RAB11FIP3: variants seen among roughly 807,000 people sequenced by gnomAD.
The protein encoded by RAB11FIP3 is RAB11 family interacting protein 3.
RAB11FIP3 carries 17 observed loss-of-function variants against 77.8 expected under a neutral mutation model. That is an observed-to-expected ratio of 0.22 (90% CI 0.15 to 0.33). The LOEUF is 0.33. Ranked by LOEUF, RAB11FIP3 falls within the 10% of genes least tolerant of loss-of-function variation. RAB11FIP3 has a pLI of 1.00. For synonymous variants in RAB11FIP3, 437 were observed against 448.2 expected (o/e 0.98, Z 0.31); for missense variants, 1,005 against 1,011.2 (o/e 0.99, Z 0.08).
At chr16:445,096 A>G (rs1378495950) in intron 1 of RAB11FIP3, among the ~76,000 whole-genome samples, 1 of 132,974 alleles carries the variant, frequency 7.5e-6, no homozygotes, top group Non-Finnish European at 1.6e-5. Context: ...CCTGGGTGAC[A>G]GAGCGAGACT....
At chr16:492,425 C>CCCGGGAGACCCGAGGCCGTCCAGAGCCTT (rs2030511213) in intron 5 of RAB11FIP3, among the ~76,000 whole-genome samples, 2 of 43,226 alleles carry the variant, frequency 4.6e-5, no homozygotes, top group African/African-American at 2.6e-4. Flanking sequence ...CCAGGGCCCT[C>CCCGGGAGACCCGAGGCCGTCCAGAGCCTT]CCCGGGAGAC....
At chr16:446,131 C>G (rs778918994) in intron 1 of RAB11FIP3, among the ~76,000 whole-genome samples, 23 of 152,090 alleles carry the variant, frequency 1.5e-4, no homozygotes, top group Non-Finnish European at 2.6e-4. Context: ...CGTGTCTCAA[C>G]TACTCGGGAG....
rs2055822888 is a variant in RAB11FIP3, at chr16:472,278, C to T, written c.903+889C>T. Among the ~76,000 whole-genome samples, 2 of 152,242 alleles carry T rather than the reference C, an allele frequency of 1.3e-5. No individual in the cohort carries two copies. Among genetic ancestry groups the T allele is most frequent in the Non-Finnish European group, 2.9e-5 (2 of 68,034 alleles). ...GTCACCCTCACCCTTGGGTGGGCAGCTTAACTTCTGCCCACACAGACCCTG... is the reference window on the plus strand; with the variant it reads ...GTCACCCTCACCCTTGGGTGGGCAGTTTAACTTCTGCCCACACAGACCCTG... On this transcript the variant is annotated intron_variant, in intron 3 of 13. Coordinates refer to ENST00000262305, the MANE Select transcript of RAB11FIP3 (RefSeq NM_014700.4). This position sits in a 1 kb window ranked among gnomAD's most constrained non-coding sequence, Gnocchi z 4.1.
Position 426,865 on chromosome 16 carries a change from C to G in RAB11FIP3, c.714+145C>G, listed in dbSNP as rs1185474754. The G allele has an allele frequency of 1.8e-6, 1 of 550,668 alleles. No individual in the cohort carries two copies. Among genetic ancestry groups the G allele is most frequent in the Non-Finnish European group, 3.0e-6 (1 of 336,228 alleles). The allele number at this position is 550,668 out of a possible 1,614,324, so 34.1% of individuals were successfully genotyped here. A position where few individuals can be genotyped will look rare whatever the true frequency, so the allele number is the denominator to read the frequency against. ...GGTCCTGCTTTTTCTGCTTATTCACCACTTCGGCCCTGGATTTCTGGTTGA... is the reference window on the plus strand; with the variant it reads ...GGTCCTGCTTTTTCTGCTTATTCACGACTTCGGCCCTGGATTTCTGGTTGA... On this transcript the variant is annotated intron_variant, in intron 1 of 13. Coordinates refer to ENST00000262305, the MANE Select transcript of RAB11FIP3 (RefSeq NM_014700.4). The surrounding 1 kb of genome is among the most constrained non-coding windows in gnomAD (Gnocchi z 5.0).
At chr16:429,920 C>T (rs1394961600) in intron 1 of RAB11FIP3, among the ~76,000 whole-genome samples, 1 of 152,142 alleles carries the variant, frequency 6.6e-6, no homozygotes, top group African/African-American at 2.4e-5. Context: ...ATAGAAGCAG[C>T]TCCTGTTTAT....
intron 5 of RAB11FIP3, among the ~76,000 whole-genome samples, chr16:489,728 C>T (rs1158752813): frequency 5.3e-5 from 8 of 152,248 alleles, no homozygotes; most frequent in Non-Finnish European, 8.8e-5. Flanking sequence ...GCCTGCTGCC[C>T]GCCCGCTGTT....
Position 459,909 on chromosome 16 carries a change from A to G in RAB11FIP3, c.715-1495A>G, listed in dbSNP as rs1030784203. Among the ~76,000 whole-genome samples, 3 of 136,636 alleles carry G rather than the reference A, an allele frequency of 2.2e-5. No homozygotes were observed. The East Asian group carries it at 6.3e-4, about 28-fold the overall frequency. 89.6% of individuals were successfully genotyped at this position (136,636 alleles called of 152,430 possible). On this transcript the variant is annotated intron_variant, in intron 1 of 13. Coordinates refer to ENST00000262305, the MANE Select transcript of RAB11FIP3 (RefSeq NM_014700.4). ...TTTTTTTTTTTTGAGACAGAGTCTC[A>G]TTCAATCACCTAGGCTGGAGTGCAA...
intron 1 of RAB11FIP3, among the ~76,000 whole-genome samples, chr16:445,103 G>A (rs2055290078): frequency 2.8e-5 from 3 of 107,806 alleles, no homozygotes; most frequent in Admixed American, 2.3e-4. Context: ...GACAGAGCGA[G>A]ACTCTGTCTC....
At chr16:503,592 C>A (rs1186779793) in intron 7 of RAB11FIP3, among the ~76,000 whole-genome samples, 2 of 152,084 alleles carry the variant, frequency 1.3e-5, no homozygotes, top group Non-Finnish European at 2.9e-5. Flanking sequence ...TCAAGACCCG[C>A]TTTTCAGCCA....
At position 461,940 on chromosome 16, in the gene RAB11FIP3, G is replaced by A. The variant is rs904314085; in HGVS notation, c.808+443G>A. Among the ~76,000 whole-genome samples, 4 of 152,100 alleles carry A rather than the reference G, an allele frequency of 2.6e-5. No homozygotes were observed. Among genetic ancestry groups the A allele is most frequent in the East Asian group, 1.9e-4 (1 of 5,172 alleles). On this transcript the variant is annotated intron_variant, in intron 2 of 13. Transcript: ENST00000262305. The surrounding 1 kb of genome is among the most constrained non-coding windows in gnomAD (Gnocchi z 4.5). ...ATGTGTTTGTAATCAGCATGCTTCC[G>A]CGCACACCGCCCTGAACACTGCAGC...
chr16:471,249 G>A lies in RAB11FIP3; in HGVS notation c.809-46G>A. 1.3e-6 allele frequency: 2 copies of A among 1,535,688 alleles called. No individual in the cohort carries two copies. Among genetic ancestry groups the A allele is most frequent in the Non-Finnish European group, 1.8e-6 (2 of 1,111,448 alleles). On this transcript the variant is annotated intron_variant, in intron 2 of 13. Transcript: ENST00000262305. This position sits in a 1 kb window ranked among gnomAD's most constrained non-coding sequence, Gnocchi z 4.4. The stretch of plus-strand genomic sequence containing the variant: ...CGAGGCCGCCAGGGGTCCCGTCACT[G>A]GGTGGCTATGGGTGGCCTGTTGAGC...
intron 9 of RAB11FIP3, among the ~76,000 whole-genome samples, chr16:512,417 A>T (rs6600225): frequency 0.27 from 40,361 of 150,922 alleles, 9,662 homozygotes; most frequent in African/African-American, 0.64. Flanking sequence ...ATTTTTTGTA[A>T]TTTTAGTAGA....
At chr16:441,583 A>G (rs2055227554) in intron 1 of RAB11FIP3, among the ~76,000 whole-genome samples, 1 of 152,162 alleles carries the variant, frequency 6.6e-6, no homozygotes, top group Non-Finnish European at 1.5e-5. Flanking sequence ...TGCCTCTCTA[A>G]ATTGATCTCA....
intron 5 of RAB11FIP3, among the ~76,000 whole-genome samples, chr16:490,548 G>C (rs553049905): frequency 6.6e-6 from 1 of 152,270 alleles, no homozygotes; most frequent in South Asian, 2.1e-4. Context: ...TGTTGCCCAG[G>C]CTGGTCTCAA....
At chr16:490,589 G>A (rs2030088967) in intron 5 of RAB11FIP3, among the ~76,000 whole-genome samples, 1 of 152,192 alleles carries the variant, frequency 6.6e-6, no homozygotes, top group African/African-American at 2.4e-5. Flanking sequence ...CACCCAAAGT[G>A]CTGGAATTAG....
chr16:431,326 TC>T (rs2141839563), intron 1 of RAB11FIP3, among the ~76,000 whole-genome samples: 1 of 152,170 alleles, frequency 6.6e-6, no homozygotes, highest in South Asian at 2.1e-4. Flanking sequence ...TGACCAATAA[TC>T]CCACTATCCT....
chr16:460,633 C>A (rs778280488), intron 1 of RAB11FIP3, among the ~76,000 whole-genome samples: 1 of 152,122 alleles, frequency 6.6e-6, no homozygotes, highest in Non-Finnish European at 1.5e-5. Context: ...CTGAGTTATT[C>A]GCTACCAAGG....
chr16:426,654 G>T lies in RAB11FIP3; in HGVS notation c.648G>T (p.Gly216=). ...GAGCCGTGTTCGATGCCCTGGACGGGGATGGGGACGGTTTCGTCCGCATCG... is the reference window on the plus strand; with the variant it reads ...GAGCCGTGTTCGATGCCCTGGACGGTGATGGGGACGGTTTCGTCCGCATCG... ...RLRAVFDALD[G]DGDGFVRIED... is the part of the protein sequence containing the mutation. The change falls in exon 1 of 14, where the codon GGG becomes GGT. Residue 216 remains glycine, a synonymous_variant. Transcript: ENST00000262305. This position sits in a 1 kb window ranked among gnomAD's most constrained non-coding sequence, Gnocchi z 5.0. The T allele has an allele frequency of 6.4e-7, 1 of 1,573,614 alleles. No homozygotes were observed. Among genetic ancestry groups the T allele is most frequent in the Non-Finnish European group, 8.6e-7 (1 of 1,161,238 alleles).
At chr16:484,854 G>A (rs1023322995) in intron 4 of RAB11FIP3, among the ~76,000 whole-genome samples, 1 of 152,148 alleles carries the variant, frequency 6.6e-6, no homozygotes, top group Non-Finnish European at 1.5e-5. Context: ...GTCATCGGGA[G>A]CACGTCCCTT....
Sources: allele counts gnomAD v4.1 joint callset (sites outside exome capture counted in the v4.1 genomes callset), GRCh38; gene constraint gnomAD v4.1.1; non-coding constraint Gnocchi (gnomAD v3.1); transcripts MANE v1.5; gene names NCBI Gene and HGNC (gene_info 2026-07-23, HGNC 2026-07-21).